GCM1: variants seen among roughly 807,000 people sequenced by gnomAD.
GCM1 encodes the protein GCM transcription factor 1.
Under a neutral mutation model 25.7 loss-of-function variants are expected in GCM1, and 2 were observed. The observed-to-expected ratio is 0.08, with a 90% confidence interval of 0.03 to 0.24. The LOEUF (loss-of-function observed/expected upper bound fraction) is 0.24, where lower values mean the gene tolerates loss of function less well. Ranked by LOEUF, GCM1 falls within the 10% of genes least tolerant of loss-of-function variation. The probability of loss-of-function intolerance (pLI) is 1.00; values close to 1 mark genes in which losing one functional copy is unlikely to be tolerated. For missense variants in GCM1, 395 were observed against 538.7 expected, an observed-to-expected ratio of 0.73 and a Z score of 2.64; for synonymous variants, 183 against 195.7, an observed-to-expected ratio of 0.94 and a Z score of 0.54.
intron 2 of GCM1, among the ~76,000 whole-genome samples, chr6:53,142,037 A>AAAAAAAAAAC (rs1763881984): frequency 7.6e-6 from 1 of 132,306 alleles, no homozygotes; most frequent in Non-Finnish European, 1.6e-5. Context: ...AAAAAAAAAA[A>AAAAAAAAAAC]AAAACAGAAA....
intron 3 of GCM1, 119 bp downstream of exon 3, chr6:53,133,953 G>A: frequency 3.1e-6 from 3 of 981,464 alleles, no homozygotes; most frequent in Non-Finnish European, 3.0e-6. Flanking sequence ...AGCCTTGGCT[G>A]CCACTACACT....
chr6:53,131,600 C>T (rs78344268), intron 4 of GCM1, among the ~76,000 whole-genome samples: 313 of 152,246 alleles, frequency 2.1e-3, no homozygotes, highest in African/African-American at 7.2e-3. Flanking sequence ...TGCCACTGCC[C>T]CATTAGTACT....
At chr6:53,139,016 A>T (rs1763838557) in intron 2 of GCM1, among the ~76,000 whole-genome samples, 2 of 152,172 alleles carry the variant, frequency 1.3e-5, no homozygotes, top group South Asian at 4.1e-4. Context: ...AAATATCTAC[A>T]TTATCATATG....
chr6:53,128,900 C>G lies in GCM1; in HGVS notation c.617G>C (p.Trp206Ser). The part of the protein sequence containing the change: ...TQSQGSLPLT[W>S]SFQEGVQLPG... ...CAATTGGACGCCTTCCTGGAAAGAC[C>G]AAGTTAAAGGTAAACTCCCCTGACT... Residue 206 changes from tryptophan to serine, a missense_variant, in exon 6 of 6, where the codon TGG (tryptophan) becomes TCG (serine). Physicochemically the swap from Trp to Ser is radical, Grantham distance 177 (BLOSUM62 -3). Transcript: ENST00000259803. 1 of 1,612,774 alleles carries G rather than the reference C, an allele frequency of 6.2e-7. No homozygotes were observed. The highest frequency in any genetic ancestry group is 1.1e-5 in the South Asian group (1 of 91,054).
intron 2 of GCM1, among the ~76,000 whole-genome samples, chr6:53,137,125 G>A (rs1763813446): frequency 1.3e-5 from 2 of 152,202 alleles, no homozygotes; most frequent in Admixed American, 1.3e-4. Context: ...TGGGAAGGGG[G>A]AAGGGTATAA....
At chr6:53,133,331 ATGTGTGTGTGTGTG>A (rs5876306) in intron 3 of GCM1, among the ~76,000 whole-genome samples, 3 of 145,118 alleles carry the variant, frequency 2.1e-5, no homozygotes, top group African/African-American at 7.7e-5. Context: ...CACCCGGCAA[ATGTGTGTGTGTGTG>A]TGTGTGTGTG....
intron 2 of GCM1, among the ~76,000 whole-genome samples, chr6:53,137,201 C>T (rs897886994): frequency 3.3e-5 from 5 of 152,248 alleles, no homozygotes; most frequent in South Asian, 2.1e-4. Context: ...CAGAGATTCC[C>T]GGATGGCCAG....
At chr6:53,144,516 G>A (rs1763925402) in intron 2 of GCM1, among the ~76,000 whole-genome samples, 1 of 151,772 alleles carries the variant, frequency 6.6e-6, no homozygotes, top group Admixed American at 6.6e-5. Flanking sequence ...GAGGAGAAGA[G>A]GCCAGGCTGT....
rs1163932270 is a variant in GCM1 at position 53,128,401 on chromosome 6, A to G, written c.1116T>C (p.Phe372=). The part of the protein sequence containing the change: ...NLYEEKVHVD[F]NSYVQSPAYH... ...ATGCAGGAGACTGGACGTAGCTGTT[A>G]AAATCCACATGTACTTTCTCTTCAT... Residue 372 remains phenylalanine, a synonymous_variant, in exon 6 of 6, where the codon TTT becomes TTC. Transcript: ENST00000259803. The G allele has an allele frequency of 1.9e-6, 3 of 1,613,768 alleles. No homozygotes were observed. The African/African-American group carries it at 4.0e-5, about 22-fold the overall frequency.
At chr6:53,145,473 C>A (rs1581856816) in intron 2 of GCM1, 85 bp downstream of exon 2, 1 of 803,198 alleles carries the variant, frequency 1.2e-6, no homozygotes, top group East Asian at 2.5e-5. Context: ...GGAATCCTCA[C>A]CAATTTCCTT....
Position 53,127,707 on chromosome 6 carries a change from A to T in GCM1, c.*499T>A, listed in dbSNP as rs1017536950. On this transcript the variant is annotated 3_prime_UTR_variant, in exon 6 of 6. Coordinates refer to ENST00000259803, the MANE Select transcript of GCM1 (RefSeq NM_003643.4). ...TGGAAATACTAGAGTGGAGGAGAAG[A>T]AGCCAAAAAAATTACTCATGTGAAG... The T allele has an allele frequency of 6.5e-6, 1 of 152,676 alleles. No individual in the cohort carries two copies. The highest frequency in any genetic ancestry group is 1.5e-5 in the Non-Finnish European group (1 of 68,530). The allele number at this position is 152,676 out of a possible 1,614,324, so 9.5% of individuals were successfully genotyped here. A position where few individuals can be genotyped will look rare whatever the true frequency, so the allele number is the denominator to read the frequency against.
At chr6:53,136,979 T>C (rs75107745) in intron 2 of GCM1, among the ~76,000 whole-genome samples, 1 of 139,410 alleles carries the variant, frequency 7.2e-6, no homozygotes, top group Non-Finnish European at 1.6e-5. Context: ...TCTGTTTCAA[T>C]AAAAAAAAAA....
chr6:53,146,469 C>T (rs1202038176), intron 1 of GCM1, among the ~76,000 whole-genome samples: 1 of 151,954 alleles, frequency 6.6e-6, no homozygotes, highest in Non-Finnish European at 1.5e-5. Flanking sequence ...ATCTACCCGC[C>T]TCGGACTCCC....
intron 2 of GCM1, among the ~76,000 whole-genome samples, chr6:53,142,450 T>A (rs1763889231): frequency 6.6e-6 from 1 of 152,216 alleles, no homozygotes; most frequent in African/African-American, 2.4e-5. Flanking sequence ...AGTCAAGAAA[T>A]CTGTTTATCC....
chr6:53,145,521 C>T, intron 2 of GCM1, 37 bp downstream of exon 2: 1 of 1,055,626 alleles, frequency 9.5e-7, no homozygotes, highest in South Asian at 1.3e-5. Context: ...ACTTCACAGC[C>T]CAATGTTGAA....
chr6:53,138,849 T>C (rs2816338), intron 2 of GCM1, among the ~76,000 whole-genome samples: 151,288 of 152,326 alleles, frequency 0.99, 75,139 homozygotes, highest in Middle Eastern at 1. Context: ...CAATCAAAAT[T>C]TTTGTAGCTC....
intron 4 of GCM1, 116 bp downstream of exon 4, chr6:53,131,891 C>T: frequency 1.4e-6 from 1 of 713,450 alleles, no homozygotes; most frequent in Non-Finnish European, 2.6e-6. Flanking sequence ...GATACTTGCT[C>T]TCTTAGAGTG....
At chr6:53,141,111 T>C (rs940834017) in intron 2 of GCM1, among the ~76,000 whole-genome samples, 1 of 152,224 alleles carries the variant, frequency 6.6e-6, no homozygotes, top group African/African-American at 2.4e-5. Flanking sequence ...AGCATTTTTC[T>C]ACATGGCATT....
At position 53,134,278 on chromosome 6, in the gene GCM1, G is replaced by A. The variant is rs750621818; in HGVS notation, c.122C>T (p.Ala41Val). Residue 41 changes from alanine (A) to valine (V), a missense_variant, in exon 3 of 6, where the codon GCC (alanine) becomes GTC (valine). Coordinates refer to ENST00000259803, the MANE Select transcript of GCM1 (RefSeq NM_003643.4). ...GTCCTCCGAGCTGTAGATGTGTTTG[G>A]CATAGGAATCTGGCCACTCCTGGAA... ...DWFQEWPDSYAKHIYSSEDKN... is the reference protein window; with the variant it reads ...DWFQEWPDSYVKHIYSSEDKN... 6.2e-7 allele frequency: 1 copy of A among 1,614,028 alleles called. No individual in the cohort carries two copies. Among genetic ancestry groups the A allele is most frequent in the South Asian group, 1.1e-5 (1 of 91,072 alleles).
Sources: allele counts gnomAD v4.1 joint callset (sites outside exome capture counted in the v4.1 genomes callset), GRCh38; gene constraint gnomAD v4.1.1; transcripts MANE v1.5; gene names NCBI Gene and HGNC (gene_info 2026-07-23, HGNC 2026-07-21).